The following PEAK3 variants were observed in gnomAD, a reference collection of about 807,000 sequenced individuals.
The protein encoded by PEAK3 is PEAK family member 3.
In PEAK3, 15 loss-of-function variants were observed where a neutral mutation model predicts 13.3. The observed-to-expected ratio is 1.13, with a 90% CI of 0.75 to 1.73. PEAK3 has a LOEUF of 1.73. Ranked by LOEUF, PEAK3 falls within the 40% of genes most tolerant of loss-of-function variation. PEAK3 has a pLI of 0.00. For synonymous variants in PEAK3, 347 were observed against 341.9 expected (o/e 1.01, Z -0.17); for missense variants, 739 against 690.2 (o/e 1.07, Z -0.79).
rs778119449 is a variant in PEAK3, at chr19:2,275,744, C to A, written c.1358G>T (p.Cys453Phe). ...EAPSLEDWLCCEYLAEATESS... is the reference protein window; with the variant it reads ...EAPSLEDWLCFEYLAEATESS... ...CTCGGTGGCCTCGGCCAGGTATTCG[C>A]AACACAGCCAGTCCTCGAGGCTGGG... Residue 453 changes from cysteine (C) to phenylalanine (F), a missense_variant, in exon 4 of 4, where the codon TGC (cysteine) becomes TTC (phenylalanine). Physicochemically the swap from Cys to Phe is radical, Grantham distance 205. Coordinates refer to ENST00000342063, the MANE Select transcript of PEAK3 (RefSeq NM_198532.3). 6.3e-7 allele frequency: 1 copy of A among 1,578,884 alleles called. No homozygotes were observed. The highest frequency in any genetic ancestry group is 8.6e-7 in the Non-Finnish European group (1 of 1,165,308).
rs1336058678 is a variant in PEAK3, at chr19:2,275,668, C to T, written c.*12G>A. ...GCAGGCCTGGACCAGGTGTGTTCGC[C>T]CTGGGTTGGGGTCAGTCCCACAGCA... On this transcript the variant is annotated 3_prime_UTR_variant, in exon 4 of 4. Coordinates refer to ENST00000342063, the MANE Select transcript of PEAK3 (RefSeq NM_198532.3). 9.0e-6 allele frequency: 13 copies of T among 1,441,934 alleles called. No individual in the cohort carries two copies. The highest frequency in any genetic ancestry group is 1.2e-5 in the Non-Finnish European group (13 of 1,093,080). The allele number at this position is 1,441,934 out of a possible 1,614,324, so 89.3% of individuals were successfully genotyped here. A position where few individuals can be genotyped will look rare whatever the true frequency, so the allele number is the denominator to read the frequency against.
chr19:2,279,549 G>A (rs530739995), intron 2 of PEAK3, among the ~76,000 whole-genome samples: 3 of 151,906 alleles, frequency 2.0e-5, no homozygotes, highest in Non-Finnish European at 4.4e-5. Context: ...CCAGCTACTC[G>A]GGAGGCTGAG....
chr19:2,278,074 A>G (rs561645060), intron 3 of PEAK3, among the ~76,000 whole-genome samples: 8 of 151,432 alleles, frequency 5.3e-5, no homozygotes, highest in Admixed American at 5.3e-4. Context: ...CGTGTTAGCC[A>G]GGATGGTCTG....
At position 2,276,176 on chromosome 19, in the gene PEAK3, T is replaced by G. The variant is rs1373821682; in HGVS notation, c.926A>C (p.Asn309Thr). 2 of 1,548,810 alleles carry G rather than the reference T, an allele frequency of 1.3e-6. No homozygotes were observed. Among genetic ancestry groups the G allele is most frequent in the African/African-American group, 2.7e-5 (2 of 72,912 alleles). ...GCCCCGAGGTGCCACCAGCAGCAAG[T>G]TCTCCGGCCGCAACTCGACTAGGGC... ...GAALVELRPE[N>T]LLLVAPRGCA... Residue 309 changes from asparagine (N) to threonine (T), a missense_variant, in exon 4 of 4, where the codon AAC (asparagine) becomes ACC (threonine). Transcript: ENST00000342063.
chr19:2,278,732 G>T lies in PEAK3; in HGVS notation c.464C>A (p.Ala155Asp). ...CCCGGGGTGGCCCCCCATGAGCCGG[G>T]CACGGAGCCGGGCATAGATGGTACG... The part of the protein sequence containing the change: ...GLRTIYARLR[A>D]RLMGGHPGPC... The change falls in exon 3 of 4, where the codon GCC becomes GAC. Residue 155 changes from alanine to aspartate, a missense_variant. Physicochemically the swap from Ala to Asp is moderately radical, Grantham distance 126. Transcript: ENST00000342063. 1.3e-6 allele frequency: 2 copies of T among 1,534,354 alleles called. No individual in the cohort carries two copies. Among genetic ancestry groups the T allele is most frequent in the Non-Finnish European group, 1.8e-6 (2 of 1,137,936 alleles).
rs1281873739 is a variant in PEAK3, at chr19:2,275,613, G to A, written c.*67C>T. The A allele has an allele frequency of 2.3e-6, 3 of 1,303,990 alleles. No individual in the cohort carries two copies. The highest frequency in any genetic ancestry group is 3.1e-5 in the East Asian group (1 of 32,248). 80.8% of individuals were successfully genotyped at this position (1,303,990 alleles called of 1,614,324 possible). A position where few individuals can be genotyped will look rare whatever the true frequency, so the allele number is the denominator to read the frequency against. ...AGGGTGTCTTGGCTATCATGGAGAC[G>A]CTGACCTCAGCCCCAGCCCTGCCTC... On this transcript the variant is annotated 3_prime_UTR_variant, in exon 4 of 4. Transcript: ENST00000342063.
At position 2,276,505 on chromosome 19, in the gene PEAK3, G is replaced by A; in HGVS notation, c.613-16C>T. 6.7e-7 allele frequency: 1 copy of A among 1,491,300 alleles called. No homozygotes were observed. Among genetic ancestry groups the A allele is most frequent in the Non-Finnish European group, 8.9e-7 (1 of 1,128,228 alleles). 92.4% of individuals were successfully genotyped at this position (1,491,300 alleles called of 1,614,324 possible). A position where few individuals can be genotyped will look rare whatever the true frequency, so the allele number is the denominator to read the frequency against. ...GCTTGGGCACCTGCAAGGCAGAGGGGGTGTCGGGGCCTGGATCACTGGGCC... is the reference window on the plus strand; with the variant it reads ...GCTTGGGCACCTGCAAGGCAGAGGGAGTGTCGGGGCCTGGATCACTGGGCC... On this transcript the variant is annotated splice_polypyrimidine_tract_variant and intron_variant, in intron 3 of 3. Transcript: ENST00000342063.
chr19:2,276,010 C>A lies in PEAK3; in HGVS notation c.1092G>T (p.Ala364=). ...SLLRALLSLA[A]PSTTPLAAGL... ...CCGCGGCCAAAGGCGTGGTCGAGGGCGCAGCAAGGCTGAGCAGCGCTCGGA... is the reference window on the plus strand; with the variant it reads ...CCGCGGCCAAAGGCGTGGTCGAGGGAGCAGCAAGGCTGAGCAGCGCTCGGA... The change falls in exon 4 of 4, where the codon GCG becomes GCT. Residue 364 remains alanine (A), a synonymous_variant. Transcript: ENST00000342063. 2 of 1,414,392 alleles carry A rather than the reference C, an allele frequency of 1.4e-6. No individual in the cohort carries two copies. The highest frequency in any genetic ancestry group is 9.2e-7 in the Non-Finnish European group (1 of 1,089,590). 87.6% of individuals were successfully genotyped at this position (1,414,392 alleles called of 1,614,324 possible). A position where few individuals can be genotyped will look rare whatever the true frequency, so the allele number is the denominator to read the frequency against.
chr19:2,279,969 G>A (rs1256710726), intron 2 of PEAK3, among the ~76,000 whole-genome samples: 1 of 150,188 alleles, frequency 6.7e-6, no homozygotes, highest in African/African-American at 2.5e-5. Flanking sequence ...AGCCAGGCTG[G>A]TTTCAAACTC....
Position 2,275,785 on chromosome 19 carries a change from G to A in PEAK3, c.1317C>T (p.Ala439=), listed in dbSNP as rs747584141. Residue 439 remains alanine, a synonymous_variant, in exon 4 of 4, where the codon GCC becomes GCT. Coordinates refer to ENST00000342063, the MANE Select transcript of PEAK3 (RefSeq NM_198532.3). ...CGAGGCTGGGAGCTTCCCCACCTGC[G>A]GCCCGCTCTGCTAGGCGCAGGACCA... is the stretch of plus-strand genomic sequence containing the variant. ...GLLVLRLAER[A]AGGEAPSLED... 3 of 1,571,200 alleles carry A rather than the reference G, an allele frequency of 1.9e-6. No homozygotes were observed. The highest frequency in any genetic ancestry group is 1.7e-6 in the Non-Finnish European group (2 of 1,163,970).
intron 2 of PEAK3, 39 bp from the exon 3 acceptor site, chr19:2,279,152 GGA>G: frequency 7.2e-7 from 1 of 1,384,446 alleles, no homozygotes; most frequent in Non-Finnish European, 9.4e-7. Context: ...GAGGACAGGC[GGA>G]GTGGGAACGG....
rs2025380097 is a variant in PEAK3, at chr19:2,275,852, A to G, written c.1250T>C (p.Leu417Pro). The G allele has an allele frequency of 1.3e-6, 2 of 1,487,682 alleles. No individual in the cohort carries two copies. Among genetic ancestry groups the G allele is most frequent in the Non-Finnish European group, 1.8e-6 (2 of 1,125,126 alleles). The allele number at this position is 1,487,682 out of a possible 1,614,324, so 92.2% of individuals were successfully genotyped here. Residue 417 changes from leucine (L) to proline (P), a missense_variant, in exon 4 of 4, where the codon CTC becomes CCC. By Grantham distance (98) the Leu-to-Pro change is moderately conservative (BLOSUM62 -3). Coordinates refer to ENST00000342063, the MANE Select transcript of PEAK3 (RefSeq NM_198532.3). Reference sequence around the variant, plus strand: ...CCGCAGCCAGGGCCCGAGCGCTCGGAGCCAGGGACCAAGCGGTGCTCCGCG... The same window carrying G: ...CCGCAGCCAGGGCCCGAGCGCTCGGGGCCAGGGACCAAGCGGTGCTCCGCG... ...RGRGAPLGPW[L>P]RALGPWLRVR...
intron 2 of PEAK3, among the ~76,000 whole-genome samples, chr19:2,280,494 G>A (rs1429454913): frequency 6.6e-6 from 1 of 151,846 alleles, no homozygotes; most frequent in Non-Finnish European, 1.5e-5. Flanking sequence ...GCAGGCTCTT[G>A]ACACCATGTC....
At chr19:2,278,452 C>G in intron 3 of PEAK3, 132 bp downstream of exon 3, 1 of 1,095,808 alleles carries the variant, frequency 9.1e-7, no homozygotes, top group Non-Finnish European at 1.2e-6. Flanking sequence ...TGAGCCACCG[C>G]GCCCGGCTCC....
At chr19:2,280,166 G>A (rs1480659177) in intron 2 of PEAK3, among the ~76,000 whole-genome samples, 1 of 144,560 alleles carries the variant, frequency 6.9e-6, no homozygotes, top group African/African-American at 2.6e-5. Context: ...AGGTTCAAGC[G>A]ATTCTCCTGC....
At position 2,275,469 on chromosome 19, in the gene PEAK3, C is replaced by T; in HGVS notation, c.*211G>A. ...AACACAGGAGGCGCTGGCCAGCCCC[C>T]AGCCCTGGAGGGGCAGCTGCATTCC... is the stretch of plus-strand genomic sequence containing the variant. On this transcript the variant is annotated 3_prime_UTR_variant, in exon 4 of 4. Transcript: ENST00000342063. 7.2e-6 allele frequency: 3 copies of T among 416,050 alleles called. No individual in the cohort carries two copies. Among genetic ancestry groups the T allele is most frequent in the Non-Finnish European group, 1.2e-5 (3 of 244,276 alleles). The allele number at this position is 416,050 out of a possible 1,614,324, so 25.8% of individuals were successfully genotyped here. A position where few individuals can be genotyped will look rare whatever the true frequency, so the allele number is the denominator to read the frequency against.
At position 2,278,799 on chromosome 19, in the gene PEAK3, CCT is replaced by C. The variant is rs1455136594; in HGVS notation, c.395_396del (p.Glu132GlyfsTer107). ...GLSLRDLHSPEAVHTALAARQ... is the reference protein window; with the variant it reads ...GLSLRDLHSPXAVHTALAARQ... ...CGCGCAGCCAGTGCAGTGTGCACAGCCTCCGGGCTGTGCAGATCGCGGAGGGA... is the reference window on the plus strand; with the variant it reads ...CGCGCAGCCAGTGCAGTGTGCACAGCCCGGGCTGTGCAGATCGCGGAGGGA... On this transcript the variant is annotated frameshift_variant, in exon 3 of 4. Transcript: ENST00000342063. LOFTEE classifies it high-confidence loss of function. 7 of 1,588,358 alleles carry C rather than the reference CCT, an allele frequency of 4.4e-6. No individual in the cohort carries two copies. In the African/African-American group the frequency reaches 9.4e-5, roughly 21 times the overall value.
Position 2,274,927 on chromosome 19 carries a change from G to C in PEAK3, c.*753C>G, listed in dbSNP as rs1203213827. 1 of 59,184 alleles carries C rather than the reference G, an allele frequency of 1.7e-5. No homozygotes were observed. Among genetic ancestry groups the C allele is most frequent in the South Asian group, 7.8e-4 (1 of 1,284 alleles). 3.7% of individuals were successfully genotyped at this position (59,184 alleles called of 1,614,324 possible). The stretch of plus-strand genomic sequence containing the variant: ...GCGGAGCTTGCAGTAAGCCGAGATC[G>C]TCTCAAAAAAAAAAAAAAAAAAAAA... On this transcript the variant is annotated 3_prime_UTR_variant, in exon 4 of 4. Transcript: ENST00000342063.
rs780973877 is a variant in PEAK3 at position 2,276,056 on chromosome 19, G to A, written c.1046C>T (p.Ala349Val). The stretch of plus-strand genomic sequence containing the variant: ...TCGGAGGAGGCTGCCCAGCTGCGGC[G>A]CGTGGGGGCCCGGGGATCCCGGGGG... Reference protein sequence around the residue: ...PGPPGSPGPHAPQLGSLLRAL... With the variant: ...PGPPGSPGPHVPQLGSLLRAL... The change falls in exon 4 of 4, where the codon GCG (alanine) becomes GTG (valine). Residue 349 changes from alanine (A) to valine (V), a missense_variant. Coordinates refer to ENST00000342063, the MANE Select transcript of PEAK3 (RefSeq NM_198532.3). 18 of 1,448,876 alleles carry A rather than the reference G, an allele frequency of 1.2e-5. No individual in the cohort carries two copies. In the South Asian group the frequency reaches 1.7e-4, roughly 14 times the overall value. 89.8% of individuals were successfully genotyped at this position (1,448,876 alleles called of 1,614,324 possible). A position where few individuals can be genotyped will look rare whatever the true frequency, so the allele number is the denominator to read the frequency against.
Sources: gnomAD v4.1 joint callset for allele counts (sites outside exome capture counted in the v4.1 genomes callset) on GRCh38, gnomAD v4.1.1 for gene constraint, MANE v1.5 for transcripts, NCBI Gene and HGNC (gene_info 2026-07-23, HGNC 2026-07-21) for gene names.